Variants in CADM2 observed in about 807,000 individuals in gnomAD.
The protein encoded by CADM2 is immunoglobulin superfamily member 4D.
In CADM2, 12 loss-of-function variants were observed where a neutral mutation model predicts 49.8. That is an observed-to-expected ratio of 0.24 (90% CI 0.15 to 0.39). The LOEUF (loss-of-function observed/expected upper bound fraction) is 0.39. Ranked by LOEUF, CADM2 falls within the 10% of genes least tolerant of loss-of-function variation. The probability of loss-of-function intolerance (pLI) is 1.00; values close to 1 mark genes in which losing one functional copy is unlikely to be tolerated. For missense variants in CADM2, 378 were observed against 492.3 expected (o/e 0.77, Z 2.20); for synonymous variants, 214 against 175.4 (o/e 1.22, Z -1.74).
intron 1 of CADM2, among the ~76,000 whole-genome samples, chr3:85,097,682 G>T (rs1347951449): frequency 6.6e-6 from 1 of 152,156 alleles, no homozygotes; most frequent in Non-Finnish European, 1.5e-5. Context: ...ACATACAGCT[G>T]TAATTGGCAA....
intron 1 of CADM2, among the ~76,000 whole-genome samples, chr3:85,518,119 GC>G (rs747415287): frequency 8.6e-5 from 13 of 152,024 alleles, no homozygotes; most frequent in Non-Finnish European, 1.6e-4. Context: ...CAATTCTCCT[GC>G]CTGGAGACTA....
chr3:85,695,685 A>G (rs997696787), intron 1 of CADM2, among the ~76,000 whole-genome samples: 7 of 152,064 alleles, frequency 4.6e-5, no homozygotes, highest in African/African-American at 1.7e-4. Context: ...CTGATTCTGT[A>G]TCTTTGCAAT....
At chr3:85,866,990 A>T (rs979521352) in intron 3 of CADM2, among the ~76,000 whole-genome samples, 1 of 152,158 alleles carries the variant, frequency 6.6e-6, no homozygotes, top group Non-Finnish European at 1.5e-5. Context: ...AACAGCATGA[A>T]TTTCACAAAT....
intron 1 of CADM2, among the ~76,000 whole-genome samples, chr3:85,174,095 G>C (rs2040710619): frequency 6.6e-6 from 1 of 152,086 alleles, no homozygotes; most frequent in Non-Finnish European, 1.5e-5. Flanking sequence ...GGCTCACTCT[G>C]TTCCAGCGCA....
At chr3:85,380,834 T>TA (rs1217277440) in intron 1 of CADM2, among the ~76,000 whole-genome samples, 2 of 152,008 alleles carry the variant, frequency 1.3e-5, no homozygotes, top group Non-Finnish European at 2.9e-5. Context: ...TAAGGAGCTG[T>TA]AAAAAGTATA....
intron 3 of CADM2, among the ~76,000 whole-genome samples, chr3:85,825,404 G>A (rs939919373): frequency 2.6e-5 from 4 of 152,110 alleles, no homozygotes; most frequent in South Asian, 2.1e-4. Context: ...TAATCAAAAC[G>A]TGCAGCCACT....
At chr3:85,330,231 C>G (rs1333602544) in intron 1 of CADM2, among the ~76,000 whole-genome samples, 2 of 152,080 alleles carry the variant, frequency 1.3e-5, no homozygotes, top group Admixed American at 1.3e-4. Flanking sequence ...GAAACATCAC[C>G]TAACCTTCAT....
At chr3:85,394,557 T>C (rs1367830446) in intron 1 of CADM2, among the ~76,000 whole-genome samples, 4 of 152,220 alleles carry the variant, frequency 2.6e-5, no homozygotes, top group African/African-American at 9.6e-5. Flanking sequence ...GCTAGAGCTG[T>C]GCTTTTTTTA....
intron 8 of CADM2, among the ~76,000 whole-genome samples, chr3:86,019,519 G>T (rs1364637932): frequency 6.7e-6 from 1 of 149,480 alleles, no homozygotes; most frequent in East Asian, 2.0e-4. Flanking sequence ...AGCATGGAAT[G>T]TTCTTCCATT....
At chr3:85,827,991 C>T (rs1577414661) in intron 3 of CADM2, 1 of 151,904 alleles carries the variant, frequency 6.6e-6, no homozygotes, top group African/African-American at 2.4e-5. Flanking sequence ...GAGAAGTACA[C>T]ATTGGTTACC....
chr3:85,889,612 G>A (rs1169545165), intron 5 of CADM2, among the ~76,000 whole-genome samples: 1 of 152,110 alleles, frequency 6.6e-6, no homozygotes, highest in Non-Finnish European at 1.5e-5. Context: ...GACAATAATG[G>A]TTGCCTCAAA....
At chr3:85,753,490 C>T (rs2068959821) in intron 2 of CADM2, among the ~76,000 whole-genome samples, 1 of 152,074 alleles carries the variant, frequency 6.6e-6, no homozygotes, top group South Asian at 2.1e-4. Context: ...TGCAGTTTCT[C>T]CTGTCATAAT....
intron 1 of CADM2, among the ~76,000 whole-genome samples, chr3:84,986,945 G>C (rs559392101): frequency 2.0e-5 from 3 of 151,612 alleles, no homozygotes; most frequent in African/African-American, 7.2e-5. Flanking sequence ...CCAGCTACTC[G>C]AGAGGCTGAG....
intron 7 of CADM2, among the ~76,000 whole-genome samples, chr3:85,945,880 G>GC (rs1396958361): frequency 6.6e-6 from 1 of 152,076 alleles, no homozygotes; most frequent in Non-Finnish European, 1.5e-5. Flanking sequence ...AGACAGGGAT[G>GC]CCCTCTCTCA....
intron 1 of CADM2, among the ~76,000 whole-genome samples, chr3:85,637,621 A>AAATAAAAGAAAATAAAATAAAATAAAAT (rs58472713): frequency 8.7e-6 from 1 of 114,528 alleles, no homozygotes; most frequent in Non-Finnish European, 1.7e-5. Context: ...AAAAAAAAAA[A>AAATAAAAGAAAATAAAATAAAATAAAAT]AAAATAAAAT....
rs1275859340 is a variant in CADM2, at chr3:84,959,190, C to A, written c.-418C>A. 1 of 256,044 alleles carries A rather than the reference C, an allele frequency of 3.9e-6. No individual in the cohort carries two copies. 15.9% of individuals were successfully genotyped at this position (256,044 alleles called of 1,614,324 possible). ...CTTGCTTGCTCCTCCTCTCCCCCAG[C>A]CCTTCCCCTCCGTGACCTACCCACT... On this transcript the variant is annotated 5_prime_UTR_variant, in exon 1 of 10. Transcript: ENST00000383699.
At chr3:85,678,087 T>C (rs990305960) in intron 1 of CADM2, among the ~76,000 whole-genome samples, 1 of 152,184 alleles carries the variant, frequency 6.6e-6, no homozygotes, top group South Asian at 2.1e-4. Flanking sequence ...AAGCAATGAT[T>C]TGCTGTACTA....
chr3:85,713,192 G>A (rs938202921), intron 1 of CADM2, among the ~76,000 whole-genome samples: 12 of 152,130 alleles, frequency 7.9e-5, no homozygotes, highest in Admixed American at 7.9e-4. Context: ...CCGCCTCCCG[G>A]GTTCAAGCCA....
At chr3:85,503,822 CT>C (rs773751923) in intron 1 of CADM2, among the ~76,000 whole-genome samples, 36 of 152,200 alleles carry the variant, frequency 2.4e-4, no homozygotes, top group Non-Finnish European at 5.0e-4. Flanking sequence ...CAATGAATGA[CT>C]TTGCTGAGTG....
Sources: gnomAD v4.1 joint callset for allele counts (sites outside exome capture counted in the v4.1 genomes callset) on GRCh38, gnomAD v4.1.1 for gene constraint, MANE v1.5 for transcripts, NCBI Gene and HGNC (gene_info 2026-07-23, HGNC 2026-07-21) for gene names.